Variants in ITCH observed in about 807,000 individuals in gnomAD.
The protein encoded by ITCH is itchy E3 ubiquitin protein ligase.
ITCH carries 28 observed loss-of-function variants against 126.8 expected under a neutral mutation model. That is an observed-to-expected ratio of 0.22 (90% confidence interval 0.16 to 0.30). The LOEUF (loss-of-function observed/expected upper bound fraction) is 0.30. ITCH is among the 10% of genes least tolerant of loss of function. The pLI is 1.00. For missense variants in ITCH, 631 were observed against 1,032.4 expected, an observed-to-expected ratio of 0.61 and a Z score of 5.33; for synonymous variants, 342 against 340.0, an observed-to-expected ratio of 1.01 and a Z score of -0.06.
intron 12 of ITCH, among the ~76,000 whole-genome samples, chr20:34,455,666 C>T (rs1174165911): frequency 2.0e-5 from 3 of 149,966 alleles, no homozygotes; most frequent in East Asian, 2.0e-4. Flanking sequence ...TTAGTAGAGA[C>T]GGGGTTTCAC....
At chr20:34,365,124 C>T (rs2037369792) in intron 1 of ITCH, among the ~76,000 whole-genome samples, 1 of 151,814 alleles carries the variant, frequency 6.6e-6, no homozygotes, top group East Asian at 1.9e-4. Context: ...CACCTGATTC[C>T]GGGGGGTCGA....
chr20:34,441,949 C>T (rs536470140), intron 9 of ITCH: 8 of 451,780 alleles, frequency 1.8e-5, no homozygotes, highest in Admixed American at 1.0e-4. Flanking sequence ...CCTAGGTAGA[C>T]GGACCTCAAG....
intron 20 of ITCH, among the ~76,000 whole-genome samples, chr20:34,482,269 A>G (rs1415115731): frequency 1.3e-5 from 2 of 152,208 alleles, no homozygotes; most frequent in African/African-American, 2.4e-5. Flanking sequence ...TGCCTTCTCA[A>G]CAGTCCCCAA....
intron 6 of ITCH, among the ~76,000 whole-genome samples, chr20:34,420,022 G>T (rs985291122): frequency 6.6e-6 from 1 of 151,958 alleles, no homozygotes. Flanking sequence ...CTTGAGAGTA[G>T]AATTGCTGGG....
intron 22 of ITCH, 70 bp downstream of exon 22, chr20:34,489,996 A>T (rs1040140285): frequency 1.8e-6 from 2 of 1,099,768 alleles, no homozygotes; most frequent in Non-Finnish European, 1.4e-6. Flanking sequence ...CCACATATGG[A>T]AATGAGTCAC....
intron 16 of ITCH, chr20:34,476,765 C>T (rs1988268400): frequency 5.5e-6 from 1 of 181,006 alleles, no homozygotes. Context: ...ATTCTTATCA[C>T]TCAATAAAGT....
intron 10 of ITCH, among the ~76,000 whole-genome samples, chr20:34,444,849 C>T (rs1984242273): frequency 1.3e-5 from 2 of 152,190 alleles, no homozygotes; most frequent in African/African-American, 4.8e-5. Context: ...ACCCTGGTGG[C>T]CAGGCTGGTC....
chr20:34,469,481 A>T (rs1987413915), intron 14 of ITCH, among the ~76,000 whole-genome samples: 1 of 151,928 alleles, frequency 6.6e-6, no homozygotes, highest in African/African-American at 2.4e-5. Context: ...GTAGAGACAG[A>T]GTTTCAACAT....
At chr20:34,495,851 G>A (rs981065105) in intron 23 of ITCH, among the ~76,000 whole-genome samples, 1 of 149,572 alleles carries the variant, frequency 6.7e-6, no homozygotes, top group African/African-American at 2.5e-5. Flanking sequence ...GAGATGGGTG[G>A]ATCTCTTAAG....
intron 23 of ITCH, among the ~76,000 whole-genome samples, chr20:34,493,104 T>C (rs1441342391): frequency 6.6e-6 from 1 of 152,274 alleles, no homozygotes; most frequent in Non-Finnish European, 1.5e-5. Context: ...TGAATGACTA[T>C]GGCAATATTC....
At chr20:34,483,264 G>A (rs1988884334) in intron 20 of ITCH, among the ~76,000 whole-genome samples, 1 of 152,172 alleles carries the variant, frequency 6.6e-6, no homozygotes, top group Non-Finnish European at 1.5e-5. Flanking sequence ...AATTTCTGTA[G>A]CCAGCTTGAA....
intron 20 of ITCH, 30 bp from the exon 21 acceptor site, chr20:34,489,236 C>G: frequency 6.2e-7 from 1 of 1,605,550 alleles, no homozygotes; most frequent in Middle Eastern, 1.7e-4. Flanking sequence ...TCTAAACTTC[C>G]TGATAGGTTT....
chr20:34,454,484 A>G (rs1285567147), intron 12 of ITCH: 1 of 152,096 alleles, frequency 6.6e-6, no homozygotes, highest in Non-Finnish European at 1.5e-5. Flanking sequence ...AAGCTTATGC[A>G]CTGAAGATGC....
chr20:34,462,896 A>G (rs1445118169), intron 14 of ITCH, among the ~76,000 whole-genome samples: 1 of 152,242 alleles, frequency 6.6e-6, no homozygotes, highest in African/African-American at 2.4e-5. Flanking sequence ...CTAAGGTCAT[A>G]TCTTCAAGAT....
intron 23 of ITCH, among the ~76,000 whole-genome samples, chr20:34,500,618 C>T (rs1393251703): frequency 2.0e-5 from 3 of 152,090 alleles, no homozygotes; most frequent in Non-Finnish European, 2.9e-5. Context: ...CTTTTTAAAT[C>T]TATTCAGCCA....
chr20:34,390,310 G>A (rs2038438989), intron 2 of ITCH, among the ~76,000 whole-genome samples: 2 of 152,098 alleles, frequency 1.3e-5, no homozygotes, highest in African/African-American at 4.8e-5. Context: ...GAGAAATTCA[G>A]TAATTTGCTC....
At chr20:34,475,848 T>G (rs1443475075) in intron 16 of ITCH, 5 of 794,816 alleles carry the variant, frequency 6.3e-6, no homozygotes, top group Non-Finnish European at 8.7e-6. Context: ...CACTCATCCA[T>G]GTACTCATTT....
At position 34,511,200 on chromosome 20, in the gene ITCH, T is replaced by TC. The variant is rs1978770376; in HGVS notation, c.*3406_*3407insC. The TC allele has an allele frequency of 1.3e-5, 2 of 152,234 alleles. No individual in the cohort carries two copies. The highest frequency in any genetic ancestry group is 6.5e-5 in the Admixed American group (1 of 15,284). 9.4% of individuals were successfully genotyped at this position (152,234 alleles called of 1,614,324 possible). A position where few individuals can be genotyped will look rare whatever the true frequency, so the allele number is the denominator to read the frequency against. On this transcript the variant is annotated 3_prime_UTR_variant, in exon 25 of 25. Coordinates refer to ENST00000374864, the MANE Select transcript of ITCH (RefSeq NM_031483.7). ...TTGCTTTCATTAACTAAAAATGGAA[T>TC]TGGCAGCACTGGATTGTATATTACT...
intron 3 of ITCH, among the ~76,000 whole-genome samples, chr20:34,403,125 A>G (rs750186569): frequency 2.6e-5 from 4 of 152,142 alleles, no homozygotes; most frequent in African/African-American, 7.2e-5. Context: ...CTGTTGCTCA[A>G]CTGGATTGAT....
Sources: allele counts gnomAD v4.1 joint callset (sites outside exome capture counted in the v4.1 genomes callset), GRCh38; gene constraint gnomAD v4.1.1; transcripts MANE v1.5; gene names NCBI Gene and HGNC (gene_info 2026-07-23, HGNC 2026-07-21).